IRAG1: variants seen among roughly 807,000 people sequenced by gnomAD.
The protein encoded by IRAG1 is IP3R-associated cGMP kinase substrate.
Under a neutral mutation model 106.2 loss-of-function variants are expected in IRAG1, and 62 were observed. The observed-to-expected ratio is 0.58, with a 90% confidence interval of 0.48 to 0.72. The LOEUF (loss-of-function observed/expected upper bound fraction) is 0.72, where lower values mean the gene tolerates loss of function less well. Among genes scored for constraint, IRAG1 ranks in the 30% least tolerant of loss-of-function variants. IRAG1 has a pLI of 0.00. For synonymous variants in IRAG1, 462 were observed against 443.9 expected (o/e 1.04, Z -0.51); for missense variants, 1,064 against 1,140.7 (o/e 0.93, Z 0.97).
intron 1 of IRAG1, chr11:10,687,826 C>T (rs756662968): frequency 6.8e-5 from 87 of 1,286,440 alleles, no homozygotes; most frequent in African/African-American, 6.3e-4. Context: ...TAATGTATAC[C>T]GAGTGCTAAG....
In IRAG1 at chr11:10,673,152, G is replaced by A. The variant is rs12292343; in HGVS notation, c.67+20384C>T. ...ACAAAAATTAGCTGGGCTTGGTGCC[G>A]TGCGCCTGTAATTCCAGCTACTCAG... On this transcript the variant is annotated intron_variant, in intron 1 of 20. Coordinates refer to ENST00000423302, the MANE Select transcript of IRAG1 (RefSeq NM_130385.4). Among the ~76,000 whole-genome samples, 485 of 152,146 alleles carry A rather than the reference G, an allele frequency of 3.2e-3. 2 individuals carry two copies. The highest frequency in any genetic ancestry group is 0.011 in the African/African-American group (452 of 41,494).
At position 10,593,602 on chromosome 11, in the gene IRAG1, G is replaced by A. The variant is rs776673929; in HGVS notation, c.2068-3C>T. 4 of 1,611,368 alleles carry A rather than the reference G, an allele frequency of 2.5e-6. No homozygotes were observed. The highest frequency in any genetic ancestry group is 3.4e-6 in the Non-Finnish European group (4 of 1,177,780). ...CTGACCCTCCGGCGAGGCATATTCT[G>A]CAGGAAGAGAAGTGACCAGGCTCAC... On this transcript the variant is annotated splice_region_variant and splice_polypyrimidine_tract_variant and intron_variant, in intron 16 of 20. Coordinates refer to ENST00000423302, the MANE Select transcript of IRAG1 (RefSeq NM_130385.4).
intron 10 of IRAG1, chr11:10,617,030 C>CT (rs5789644): frequency 9.1e-6 from 9 of 984,736 alleles, no homozygotes; most frequent in African/African-American, 1.8e-5. Flanking sequence ...TGGGGATAAA[C>CT]TTTTTTTTAC....
chr11:10,670,156 G>C (rs998437642), intron 1 of IRAG1, among the ~76,000 whole-genome samples: 3 of 152,184 alleles, frequency 2.0e-5, no homozygotes, highest in African/African-American at 7.2e-5. Context: ...CTAACCCTTA[G>C]TCCAACAGAG....
chr11:10,607,169 G>C (rs1854546976), intron 11 of IRAG1, among the ~76,000 whole-genome samples: 1 of 152,278 alleles, frequency 6.6e-6, no homozygotes, highest in Non-Finnish European at 1.5e-5. Context: ...TCATAGCCTT[G>C]CTGTGAGAAA....
intron 16 of IRAG1, chr11:10,593,899 C>T (rs1196917360): frequency 1.7e-6 from 1 of 573,776 alleles, no homozygotes; most frequent in Non-Finnish European, 3.1e-6. Context: ...TTCAAGCTGC[C>T]TGTAGCAATA....
intron 19 of IRAG1, among the ~76,000 whole-genome samples, chr11:10,581,044 A>C (rs894280962): frequency 1.3e-5 from 2 of 152,200 alleles, no homozygotes; most frequent in African/African-American, 4.8e-5. Flanking sequence ...AATGTTTACG[A>C]AACCAATGAA....
chr11:10,626,390 T>G lies in IRAG1; in HGVS notation c.944A>C (p.Lys315Thr). Residue 315 changes from lysine to threonine, a missense_variant, in exon 9 of 21, where the codon AAA (lysine) becomes ACA (threonine). Lys to Thr is a moderately conservative substitution (Grantham distance 78). Coordinates refer to ENST00000423302, the MANE Select transcript of IRAG1 (RefSeq NM_130385.4). ...GLAPVTNSSG[K>T]MALNSPQPGP... is the part of the protein sequence containing the mutation. ...AGGCTGAGGGCTGTTCAGGGCCATT[T>G]TCCCACTGCTGTTTGTAACAGGAGC... 6.2e-7 allele frequency: 1 copy of G among 1,613,912 alleles called. No individual in the cohort carries two copies.
chr11:10,663,838 T>C (rs1166085373), intron 1 of IRAG1, among the ~76,000 whole-genome samples: 1 of 152,108 alleles, frequency 6.6e-6, no homozygotes, highest in East Asian at 1.9e-4. Flanking sequence ...TTGAACCATC[T>C]CAGGTCTGTG....
chr11:10,631,022 C>T (rs760614512), intron 4 of IRAG1, among the ~76,000 whole-genome samples: 5 of 152,296 alleles, frequency 3.3e-5, no homozygotes, highest in South Asian at 2.1e-4. Flanking sequence ...ACTGATGGGG[C>T]GTAAGCTTGG....
intron 1 of IRAG1, among the ~76,000 whole-genome samples, chr11:10,660,354 T>C (rs1270264473): frequency 6.6e-6 from 1 of 152,238 alleles, no homozygotes; most frequent in Non-Finnish European, 1.5e-5. Flanking sequence ...GAAGATTTAT[T>C]TCTATTGTCT....
chr11:10,612,655 G>C (rs988044751), intron 10 of IRAG1, among the ~76,000 whole-genome samples: 22 of 151,966 alleles, frequency 1.4e-4, no homozygotes, highest in Non-Finnish European at 1.9e-4. Context: ...GACAAAAGAG[G>C]AAGGAAGGTA....
At chr11:10,636,354 T>G (rs958115200) in intron 2 of IRAG1, among the ~76,000 whole-genome samples, 5 of 152,168 alleles carry the variant, frequency 3.3e-5, no homozygotes, top group Non-Finnish European at 7.3e-5. Context: ...TAAAAATTTT[T>G]TTTTTAGAGA....
chr11:10,673,537 C>G (rs1196785983), intron 1 of IRAG1, among the ~76,000 whole-genome samples: 1 of 151,966 alleles, frequency 6.6e-6, no homozygotes, highest in Non-Finnish European at 1.5e-5. Flanking sequence ...TGTGGGGTTT[C>G]TTTTTGGATG....
chr11:10,612,332 G>T (rs1855036085), intron 10 of IRAG1, among the ~76,000 whole-genome samples: 1 of 152,142 alleles, frequency 6.6e-6, no homozygotes, highest in Non-Finnish European at 1.5e-5. Flanking sequence ...CCCCGATTTG[G>T]TATAACAAAC....
chr11:10,614,145 G>A (rs1441049232), intron 10 of IRAG1, among the ~76,000 whole-genome samples: 1 of 151,998 alleles, frequency 6.6e-6, no homozygotes, highest in Non-Finnish European at 1.5e-5. Flanking sequence ...AAAGGCTTGG[G>A]GCCATCTCTC....
At chr11:10,596,919 T>G (rs1258662876) in intron 15 of IRAG1, among the ~76,000 whole-genome samples, 1 of 152,246 alleles carries the variant, frequency 6.6e-6, no homozygotes, top group Non-Finnish European at 1.5e-5. Flanking sequence ...CTTCCAAGTC[T>G]GCAGCAAGCT....
intron 2 of IRAG1, among the ~76,000 whole-genome samples, chr11:10,639,992 C>T (rs561209655): frequency 1.3e-5 from 2 of 152,258 alleles, no homozygotes; most frequent in South Asian, 4.1e-4. Context: ...TCTGGGAAGA[C>T]AAAGGTGAAC....
chr11:10,600,184 G>T (rs1221954944), intron 15 of IRAG1, among the ~76,000 whole-genome samples: 2 of 152,108 alleles, frequency 1.3e-5, no homozygotes, highest in Non-Finnish European at 2.9e-5. Context: ...CTCTTTGAAG[G>T]CTTCTTTGTC....
Sources: allele counts gnomAD v4.1 joint callset (sites outside exome capture counted in the v4.1 genomes callset), GRCh38; gene constraint gnomAD v4.1.1; transcripts MANE v1.5; gene names NCBI Gene and HGNC (gene_info 2026-07-23, HGNC 2026-07-21).